Variants in SYNE1 observed in about 807,000 individuals in gnomAD.
The protein encoded by SYNE1 is nesprin-1.
Under a neutral mutation model 1,111.0 loss-of-function variants are expected in SYNE1, and 616 were observed. The observed-to-expected ratio is 0.55, with a 90% CI of 0.52 to 0.59. The LOEUF (loss-of-function observed/expected upper bound fraction) is 0.59, where lower values mean the gene tolerates loss of function less well. Among genes scored for constraint, SYNE1 ranks in the 20% least tolerant of loss-of-function variants. The pLI, the probability that SYNE1 is intolerant of heterozygous loss-of-function variation, is 0.00. For missense variants in SYNE1, 10,006 were observed against 10,417.0 expected (o/e 0.96, Z 1.72); for synonymous variants, 3,855 against 3,825.8 (o/e 1.01, Z -0.28).
chr6:152,201,791 G>A lies in SYNE1; in HGVS notation c.23145+33C>T, dbSNP rs2253512. On this transcript the variant is annotated intron_variant, in intron 127 of 145. Transcript: ENST00000367255. ...AAAGACATTCCAGCAGAGGCACACAGGTGACGGTGAAAATCTCAGTTCAGT... is the reference window on the plus strand; with the variant it reads ...AAAGACATTCCAGCAGAGGCACACAAGTGACGGTGAAAATCTCAGTTCAGT... The A allele has an allele frequency of 0.16, 253,777 of 1,613,416 alleles. 20,858 individuals carry two copies. The highest frequency in any genetic ancestry group is 0.21 in the Middle Eastern group (1,249 of 6,052).
intron 8 of SYNE1, among the ~76,000 whole-genome samples, chr6:152,507,969 T>C (rs1265289269): frequency 6.6e-6 from 1 of 152,214 alleles, no homozygotes; most frequent in Admixed American, 6.5e-5. Context: ...GTCTAGTGTT[T>C]ACTGGATGTT....
chr6:152,172,494 C>A (rs1014020038), intron 130 of SYNE1, among the ~76,000 whole-genome samples: 2 of 152,150 alleles, frequency 1.3e-5, no homozygotes, highest in African/African-American at 4.8e-5. Context: ...TCCCTGCCCC[C>A]AAATCATCAC....
At chr6:152,506,421 C>CA (rs1253481894) in intron 8 of SYNE1, among the ~76,000 whole-genome samples, 1 of 151,736 alleles carries the variant, frequency 6.6e-6, no homozygotes, top group African/African-American at 2.4e-5. Flanking sequence ...CTAACTAAAG[C>CA]AAAAATATTG....
chr6:152,565,829 C>G (rs2099411689), intron 3 of SYNE1, among the ~76,000 whole-genome samples: 1 of 152,248 alleles, frequency 6.6e-6, no homozygotes, highest in South Asian at 2.1e-4. Context: ...TACTCAGTGC[C>G]AACTAAGGGG....
intron 38 of SYNE1, among the ~76,000 whole-genome samples, chr6:152,426,045 A>G (rs1475670369): frequency 5.3e-5 from 8 of 152,190 alleles, no homozygotes; most frequent in African/African-American, 1.9e-4. Context: ...TGGAGAACTT[A>G]AGGGCTCTTC....
intron 64 of SYNE1, among the ~76,000 whole-genome samples, chr6:152,361,813 G>A (rs898686041): frequency 1.4e-5 from 2 of 145,406 alleles, no homozygotes; most frequent in Admixed American, 1.4e-4. Flanking sequence ...GCATTATGAC[G>A]AATGCACAAA....
intron 32 of SYNE1, 36 bp from the exon 33 acceptor site, chr6:152,436,137 T>C (rs770210419): frequency 1.2e-6 from 2 of 1,607,404 alleles, no homozygotes; most frequent in East Asian, 2.2e-5. Context: ...GTAGGCACTT[T>C]ATATTATTTA....
At chr6:152,593,312 C>T (rs893306588) in intron 3 of SYNE1, among the ~76,000 whole-genome samples, 6 of 152,034 alleles carry the variant, frequency 3.9e-5, no homozygotes, top group Non-Finnish European at 4.4e-5. Context: ...GGGCTGGGCA[C>T]GGTGGCTTAT....
intron 78 of SYNE1, among the ~76,000 whole-genome samples, chr6:152,328,220 A>G (rs1170533634): frequency 6.6e-6 from 1 of 152,098 alleles, no homozygotes; most frequent in African/African-American, 2.4e-5. Context: ...CCCTCCTCCC[A>G]GGCTATAGCT....
chr6:152,621,914 CA>C (rs1259774601), intron 3 of SYNE1, among the ~76,000 whole-genome samples: 5 of 152,048 alleles, frequency 3.3e-5, no homozygotes, highest in South Asian at 2.1e-4. Flanking sequence ...TCGATTAAAA[CA>C]AAAATTCAGA....
intron 40 of SYNE1, 121 bp from the exon 41 acceptor site, chr6:152,417,136 G>A: frequency 1.4e-6 from 2 of 1,395,462 alleles, no homozygotes; most frequent in South Asian, 1.2e-5. Flanking sequence ...AGTACTTAAA[G>A]GTCATCTACA....
Position 152,444,595 on chromosome 6 carries a change from A to G in SYNE1, c.3670-17T>C, listed in dbSNP as rs975009263. On this transcript the variant is annotated splice_polypyrimidine_tract_variant and intron_variant, in intron 29 of 145. Transcript: ENST00000367255. ...CTTTTCAACCTATATTTTCATGAAAAAAAAAAACACGTAAATCATATGCTA... is the reference window on the plus strand; with the variant it reads ...CTTTTCAACCTATATTTTCATGAAAGAAAAAAACACGTAAATCATATGCTA... 95 of 1,603,100 alleles carry G rather than the reference A, an allele frequency of 5.9e-5. No homozygotes were observed. The highest frequency in any genetic ancestry group is 7.7e-5 in the Non-Finnish European group (91 of 1,177,108).
At chr6:152,323,841 AT>A (rs1173349081) in intron 81 of SYNE1, 104 bp from the exon 82 acceptor site, 3 of 1,329,212 alleles carry the variant, frequency 2.3e-6, no homozygotes, top group Non-Finnish European at 3.2e-6. Flanking sequence ...CCAATTAAAG[AT>A]GATGATATAA....
chr6:152,141,226 T>C lies in SYNE1; in HGVS notation c.25223A>G (p.His8408Arg), dbSNP rs375476506. 3.5e-5 allele frequency: 57 copies of C among 1,614,040 alleles called. No homozygotes were observed. The highest frequency in any genetic ancestry group is 2.9e-4 in the East Asian group (13 of 44,888). The change falls in exon 139 of 146, where the codon CAT becomes CGT. Residue 8408 changes from histidine to arginine, a missense_variant. By Grantham distance (29) the His-to-Arg change is conservative. Coordinates refer to ENST00000367255, the MANE Select transcript of SYNE1 (RefSeq NM_182961.4). The part of the protein sequence containing the change: ...EESLPGFVNL[H>R]STETQTAGVI... ...ACCAGCCGTTTGGGTTTCGGTACTA[T>C]GCAGGTTAACAAAGCCAGGAAGGCT...
rs137969714 is a variant in SYNE1, at chr6:152,381,636, G to T, written c.8653-274C>A. 1,199 of 496,744 alleles carry T rather than the reference G, an allele frequency of 2.4e-3. 5 individuals carry two copies. The highest frequency in any genetic ancestry group is 3.3e-3 in the Non-Finnish European group (910 of 272,856). The allele number at this position is 496,744 out of a possible 1,614,324, so 30.8% of individuals were successfully genotyped here. Reference sequence around the variant, plus strand: ...CTGAAATCAGGCATTATTCGCACACGTGAAAATGTTTAGTGACTCAAGTGT... The same window carrying T: ...CTGAAATCAGGCATTATTCGCACACTTGAAAATGTTTAGTGACTCAAGTGT... On this transcript the variant is annotated intron_variant, in intron 55 of 145. Transcript: ENST00000367255.
intron 63 of SYNE1, among the ~76,000 whole-genome samples, chr6:152,362,754 C>T (rs1264856677): frequency 2.6e-5 from 4 of 152,172 alleles, no homozygotes; most frequent in South Asian, 2.1e-4. Context: ...AACCACCTTA[C>T]GTGAGATTAA....
Position 152,396,942 on chromosome 6 carries a change from A to G in SYNE1, c.7389T>C (p.Leu2463=). The change falls in exon 50 of 146, where the codon CTT becomes CTC. Residue 2463 remains leucine (L), a synonymous_variant. Coordinates refer to ENST00000367255, the MANE Select transcript of SYNE1 (RefSeq NM_182961.4). The part of the protein sequence containing the change: ...LDSVSDGQSK[L]DAVTQEGQTL... ...TTTGTCCTTCTTGAGTCACTGCATC[A>G]AGTTTGCTCTGCCCATCACTGACTG... 1 of 1,614,206 alleles carries G rather than the reference A, an allele frequency of 6.2e-7. No homozygotes were observed. The highest frequency in any genetic ancestry group is 8.5e-7 in the Non-Finnish European group (1 of 1,180,026).
chr6:152,332,746 T>C (rs2096276704), intron 77 of SYNE1, among the ~76,000 whole-genome samples: 1 of 152,228 alleles, frequency 6.6e-6, no homozygotes, highest in African/African-American at 2.4e-5. Context: ...TTATCATTAG[T>C]AATCTTTAGT....
rs35563822 is a variant in SYNE1 at position 152,202,346 on chromosome 6, C to CAAA, written c.23020-400_23020-398dup. On this transcript the variant is annotated intron_variant, in intron 126 of 145. Coordinates refer to ENST00000367255, the MANE Select transcript of SYNE1 (RefSeq NM_182961.4). ...TAGGCAAAAGAGCGAGACTCTGTCT[C>CAAA]AAAAAAAAAAAAAAAAAAAAAAAGC... Among the ~76,000 whole-genome samples, 202 of 47,582 alleles carry CAAA rather than the reference C, an allele frequency of 4.2e-3. 4 individuals carry two copies. Among genetic ancestry groups the CAAA allele is most frequent in the African/African-American group, 6.4e-3 (98 of 15,286 alleles). The allele number at this position is 47,582 out of a possible 152,430, so 31.2% of individuals were successfully genotyped here.
Sources: gnomAD v4.1 joint callset for allele counts (sites outside exome capture counted in the v4.1 genomes callset) on GRCh38, gnomAD v4.1.1 for gene constraint, MANE v1.5 for transcripts, NCBI Gene and HGNC (gene_info 2026-07-23, HGNC 2026-07-21) for gene names.